The following OSBPL10 variants were observed in gnomAD, a reference collection of about 807,000 sequenced individuals.
The protein encoded by OSBPL10 is oxysterol binding protein like 10, also known as oxysterol-binding protein-related protein 10.
Under a neutral mutation model 81.7 loss-of-function variants are expected in OSBPL10, and 49 were observed. That is an observed-to-expected ratio of 0.60 (90% CI 0.48 to 0.76). OSBPL10 has a LOEUF of 0.76. Among genes scored for constraint, OSBPL10 ranks in the 30% least tolerant of loss-of-function variants. The pLI is 0.00. For missense variants in OSBPL10, 923 were observed against 987.8 expected, an observed-to-expected ratio of 0.93 and a Z score of 0.88; for synonymous variants, 419 against 383.6, an observed-to-expected ratio of 1.09 and a Z score of -1.08.
chr3:31,816,191 C>T (rs1048088879), intron 4 of OSBPL10, among the ~76,000 whole-genome samples: 3 of 152,146 alleles, frequency 2.0e-5, no homozygotes, highest in South Asian at 2.1e-4. Flanking sequence ...GGTAGGTCTA[C>T]GTGGAGGGAT....
chr3:31,860,275 C>T (rs1468161399), intron 3 of OSBPL10, among the ~76,000 whole-genome samples: 1 of 152,196 alleles, frequency 6.6e-6, no homozygotes, highest in Admixed American at 6.5e-5. Context: ...GGCCAACTCT[C>T]TACATGAAGA....
At position 31,820,586 on chromosome 3, in the gene OSBPL10, C is replaced by T. The variant is rs570202335; in HGVS notation, c.729+9454G>A. ...CTCCAGCCTGGGAGGCAGAGCGAGA[C>T]TCCATCTCGGGAGAAAAAAAAAAAA... On this transcript the variant is annotated intron_variant, in intron 4 of 11. Coordinates refer to ENST00000396556, the MANE Select transcript of OSBPL10 (RefSeq NM_017784.5). Among the ~76,000 whole-genome samples the T allele has an allele frequency of 5.3e-5, 8 of 151,712 alleles. No homozygotes were observed. The South Asian group carries it at 1.3e-3, about 24-fold the overall frequency.
intron 1 of OSBPL10, among the ~76,000 whole-genome samples, chr3:31,896,433 T>C (rs958452324): frequency 1.3e-5 from 2 of 152,216 alleles, no homozygotes; most frequent in African/African-American, 2.4e-5. Flanking sequence ...GGATCACTGC[T>C]TCCAACTCTG....
chr3:32,007,894 A>G (rs9853469), intron 2 of OSBPL10, among the ~76,000 whole-genome samples: 51,984 of 151,596 alleles, frequency 0.34, 10,259 homozygotes, highest in East Asian at 0.6. Context: ...TAGTAGAGAC[A>G]GGGTTTCTCC....
chr3:32,028,743 T>A (rs771512879), intron 2 of OSBPL10, among the ~76,000 whole-genome samples: 8 of 152,132 alleles, frequency 5.3e-5, no homozygotes, highest in Non-Finnish European at 8.8e-5. Flanking sequence ...TTCATTTTTG[T>A]CATCTTTCCT....
chr3:31,938,101 C>T (rs776490181), intron 1 of OSBPL10, among the ~76,000 whole-genome samples: 1 of 152,106 alleles, frequency 6.6e-6, no homozygotes, highest in African/African-American at 2.4e-5. Flanking sequence ...TTTGACCCTA[C>T]GAACTCCTTC....
intron 7 of OSBPL10, among the ~76,000 whole-genome samples, chr3:31,688,291 A>T (rs1355335517): frequency 6.1e-5 from 9 of 148,078 alleles, no homozygotes; most frequent in Admixed American, 1.3e-4. Flanking sequence ...TCTCACACAC[A>T]CACACACACA....
At chr3:31,666,852 A>AT (rs530283368) in intron 10 of OSBPL10, among the ~76,000 whole-genome samples, 68 of 152,336 alleles carry the variant, frequency 4.5e-4, no homozygotes, top group African/African-American at 1.6e-3. Context: ...ATACTGTAAT[A>AT]TTTTCAGGTG....
chr3:31,712,299 G>A (rs780062702), intron 6 of OSBPL10, among the ~76,000 whole-genome samples: 3 of 152,134 alleles, frequency 2.0e-5, no homozygotes, highest in South Asian at 2.1e-4. Context: ...TTAGCTATCC[G>A]AGGTGGGCAG....
At chr3:31,674,863 C>T (rs779605902) in intron 8 of OSBPL10, among the ~76,000 whole-genome samples, 1 of 152,210 alleles carries the variant, frequency 6.6e-6, no homozygotes, top group Non-Finnish European at 1.5e-5. Context: ...CCCATCCTCT[C>T]GAGTGTACTG....
Position 31,662,075 on chromosome 3 carries a change from G to A in OSBPL10, c.2292C>T (p.His764=), listed in dbSNP as rs767020106. Residue 764 remains histidine, a synonymous_variant, in exon 12 of 12, where the codon CAC becomes CAT. Coordinates refer to ENST00000396556, the MANE Select transcript of OSBPL10 (RefSeq NM_017784.5). ...WVYFNPLWKA[H] The stretch of plus-strand genomic sequence containing the variant: ...AAAGCTCTGCACCTCCACCCCATCA[G>A]TGTGCTTTCCAGAGGGGATTGAAGT... The A allele has an allele frequency of 6.2e-7, 1 of 1,613,966 alleles. No individual in the cohort carries two copies.
At chr3:31,866,329 C>T (rs1389614629) in intron 3 of OSBPL10, among the ~76,000 whole-genome samples, 2 of 152,128 alleles carry the variant, frequency 1.3e-5, no homozygotes, top group Non-Finnish European at 2.9e-5. Context: ...GGTGTCTGCA[C>T]CTGGCAAGCA....
In OSBPL10 at chr3:31,687,925, A is replaced by C. The variant is rs373262301; in HGVS notation, c.1246-3811T>G. On this transcript the variant is annotated intron_variant, in intron 7 of 11. Transcript: ENST00000396556. The stretch of plus-strand genomic sequence containing the variant: ...AATAATAATAATAATAATAATAATA[A>C]TTTTTTTAAAAGAAGTGGGCAAAGG... Among the ~76,000 whole-genome samples the C allele has an allele frequency of 6.3e-3, 762 of 121,466 alleles. 4 individuals are homozygous for C. Among genetic ancestry groups the C allele is most frequent in the African/African-American group, 0.021 (729 of 35,378 alleles). 79.7% of individuals were successfully genotyped at this position (121,466 alleles called of 152,430 possible).
intron 4 of OSBPL10, among the ~76,000 whole-genome samples, chr3:31,770,584 C>T (rs1177359143): frequency 6.6e-6 from 1 of 152,122 alleles, no homozygotes; most frequent in African/African-American, 2.4e-5. Context: ...CTCAGGAGTT[C>T]GAGACCAGCC....
rs138430217 is a variant in OSBPL10 at position 32,030,479 on chromosome 3, G to A, written n.298+16012C>T. Reference sequence around the variant, plus strand: ...AAGAGAATTAATGTGCGTATTAAGCGTATTAAGCACTCTAAGGGCTGAGAT... The same window carrying A: ...AAGAGAATTAATGTGCGTATTAAGCATATTAAGCACTCTAAGGGCTGAGAT... On this transcript the variant is annotated intron_variant and non_coding_transcript_variant, in intron 2 of 3. Coordinates refer to the OSBPL10 transcript ENST00000479173. 466 of 697,964 alleles carry A rather than the reference G, an allele frequency of 6.7e-4. 1 individual carries two copies. The African/African-American group carries it at 7.0e-3, about 10-fold the overall frequency. The allele number at this position is 697,964 out of a possible 1,614,324, so 43.2% of individuals were successfully genotyped here.
chr3:31,843,730 T>C (rs755761823), intron 3 of OSBPL10, among the ~76,000 whole-genome samples: 4 of 152,168 alleles, frequency 2.6e-5, no homozygotes, highest in East Asian at 1.9e-4. Context: ...AAGAGCTACA[T>C]TGAGGAATAC....
chr3:31,662,152 A>C (rs1171366219), intron 11 of OSBPL10, 36 bp from the exon 12 acceptor site: 1 of 1,613,124 alleles, frequency 6.2e-7, no homozygotes, highest in Non-Finnish European at 8.5e-7. Context: ...TTACATGGAG[A>C]CCTCTCAACA....
chr3:31,706,204 C>T (rs566547947), intron 6 of OSBPL10, among the ~76,000 whole-genome samples: 111 of 152,318 alleles, frequency 7.3e-4, no homozygotes, highest in African/African-American at 2.6e-3. Context: ...CACGGGCAGG[C>T]TGGGGTTTAG....
chr3:31,984,547 GA>G (rs1698907255), upstream of OSBPL10, among the ~76,000 whole-genome samples: 1 of 152,084 alleles, frequency 6.6e-6, no homozygotes, highest in Admixed American at 6.5e-5. Flanking sequence ...TGCAGGGTAT[GA>G]AAAACACCTC....
Sources: gnomAD v4.1 joint callset for allele counts (sites outside exome capture counted in the v4.1 genomes callset) on GRCh38, gnomAD v4.1.1 for gene constraint, MANE v1.5 for transcripts, NCBI Gene and HGNC (gene_info 2026-07-23, HGNC 2026-07-21) for gene names.